Variants in VPS37A observed in about 807,000 individuals in gnomAD.
The protein encoded by VPS37A is VPS37A subunit of ESCRT-I, also known as vacuolar protein sorting-associated protein 37A.
In VPS37A, 30 loss-of-function variants were observed where a neutral mutation model predicts 49.8. The observed-to-expected ratio is 0.60, with a 90% CI of 0.45 to 0.82. The LOEUF is 0.82. Among genes scored for constraint, VPS37A ranks in the 40% least tolerant of loss-of-function variants. The probability of loss-of-function intolerance (pLI) is 0.00; values close to 1 mark genes in which losing one functional copy is unlikely to be tolerated. For synonymous variants in VPS37A, 195 were observed against 160.6 expected (o/e 1.21, Z -1.62); for missense variants, 593 against 464.4 (o/e 1.28, Z -2.55).
the VPS37A span, among the ~76,000 whole-genome samples, chr8:17,310,989 G>A: frequency 8.5e-5 from 13 of 152,080 alleles, no homozygotes; most frequent in South Asian, 6.2e-4. Flanking sequence ...GGATATACTC[G>A]TCATTTCAGC....
At chr8:17,254,034 A>G (rs1301476964) in intron 1 of VPS37A, among the ~76,000 whole-genome samples, 1 of 152,170 alleles carries the variant, frequency 6.6e-6, no homozygotes, top group African/African-American at 2.4e-5. Flanking sequence ...GATATTACAT[A>G]AATTTATAGT....
chr8:17,269,994 G>C (rs1029393229), intron 4 of VPS37A, among the ~76,000 whole-genome samples: 2 of 152,178 alleles, frequency 1.3e-5, no homozygotes, highest in Non-Finnish European at 2.9e-5. Flanking sequence ...ACTCCCGGTA[G>C]AAGGTAAAGC....
chr8:17,269,038 G>T (rs888733128), intron 4 of VPS37A, 82 bp downstream of exon 4: 26 of 1,004,326 alleles, frequency 2.6e-5, no homozygotes, highest in Non-Finnish European at 3.4e-5. Context: ...TTCAAATGAT[G>T]TTAAAAATCA....
chr8:17,313,360 C>T, the VPS37A span: 1 of 1,612,578 alleles, frequency 6.2e-7, no homozygotes, highest in Non-Finnish European at 8.5e-7. Context: ...TTCTCCAGAC[C>T]CCACAGGAAA....
chr8:17,302,805 C>A (rs1371669675), downstream of VPS37A, among the ~76,000 whole-genome samples: 1 of 149,390 alleles, frequency 6.7e-6, no homozygotes, highest in Admixed American at 6.7e-5. Flanking sequence ...CTCCACCTCC[C>A]GGGTTCAAGC....
chr8:17,252,438 A>G (rs538981598), intron 1 of VPS37A, among the ~76,000 whole-genome samples: 3 of 152,304 alleles, frequency 2.0e-5, no homozygotes, highest in South Asian at 4.1e-4. Flanking sequence ...TTGGCCTCCC[A>G]AAGTGCTAGG....
chr8:17,294,560 G>A (rs1431944599), intron 11 of VPS37A, among the ~76,000 whole-genome samples: 2 of 152,146 alleles, frequency 1.3e-5, no homozygotes, highest in Non-Finnish European at 2.9e-5. Flanking sequence ...GTTGAAACCC[G>A]GGCCCCTGGT....
At chr8:17,303,310 A>G (rs1042326481), downstream of VPS37A, among the ~76,000 whole-genome samples, 1 of 152,192 alleles carries the variant, frequency 6.6e-6, no homozygotes, top group Non-Finnish European at 1.5e-5. Flanking sequence ...GTATGATAGA[A>G]TATTCTGCTA....
chr8:17,308,050 A>C, the VPS37A span, among the ~76,000 whole-genome samples: 1 of 118,686 alleles, frequency 8.4e-6, no homozygotes, highest in African/African-American at 4.2e-5. Flanking sequence ...ATAAAATTAA[A>C]AAATAAAAAT....
chr8:17,275,634 C>T (rs1814446341), intron 5 of VPS37A, among the ~76,000 whole-genome samples: 1 of 152,122 alleles, frequency 6.6e-6, no homozygotes, highest in African/African-American at 2.4e-5. Context: ...CTTGTATATT[C>T]TTAAGCTGGT....
the VPS37A span, among the ~76,000 whole-genome samples, chr8:17,324,720 G>C: frequency 6.6e-6 from 1 of 152,226 alleles, no homozygotes; most frequent in South Asian, 2.1e-4. Context: ...TTTCCATGTA[G>C]AGCGACCTAT....
At chr8:17,268,795 A>T (rs1585985686) in intron 3 of VPS37A, 61 bp from the exon 4 acceptor site, 2 of 1,132,054 alleles carry the variant, frequency 1.8e-6, no homozygotes, top group East Asian at 4.7e-5. Context: ...ACATTATCCT[A>T]ATGAGACTTT....
chr8:17,257,584 A>G (rs1263348900), intron 1 of VPS37A, among the ~76,000 whole-genome samples: 1 of 152,180 alleles, frequency 6.6e-6, no homozygotes, highest in African/African-American at 2.4e-5. Context: ...GTGTATACCT[A>G]TGTAACAAAA....
chr8:17,268,156 A>T, intron 2 of VPS37A, 102 bp from the exon 3 acceptor site: 3 of 783,068 alleles, frequency 3.8e-6, no homozygotes, highest in Non-Finnish European at 6.1e-6. Context: ...TCAAAGTGTG[A>T]AAATTTAATT....
At chr8:17,330,406 A>G in the VPS37A span, among the ~76,000 whole-genome samples, 1 of 152,178 alleles carries the variant, frequency 6.6e-6, no homozygotes, top group Non-Finnish European at 1.5e-5. Context: ...GTCTTTTCCC[A>G]GTTCGCAGAG....
At chr8:17,248,781 T>C (rs996597253) in intron 1 of VPS37A, among the ~76,000 whole-genome samples, 6 of 152,228 alleles carry the variant, frequency 3.9e-5, no homozygotes, top group African/African-American at 1.4e-4. Context: ...TCAATTGTTC[T>C]GTTTGTTCAG....
chr8:17,332,712 A>C, the VPS37A span, among the ~76,000 whole-genome samples: 5 of 152,252 alleles, frequency 3.3e-5, no homozygotes, highest in African/African-American at 1.2e-4. Flanking sequence ...CGAACCATTA[A>C]GTCAGAGACC....
intron 5 of VPS37A, among the ~76,000 whole-genome samples, chr8:17,275,920 A>G (rs1814468311): frequency 6.6e-6 from 1 of 152,182 alleles, no homozygotes; most frequent in Admixed American, 6.5e-5. Context: ...GAACAAAATT[A>G]CAAGAGGACT....
intron 1 of VPS37A, among the ~76,000 whole-genome samples, chr8:17,257,530 A>G (rs1414962423): frequency 6.6e-6 from 1 of 152,162 alleles, no homozygotes; most frequent in Admixed American, 6.6e-5. Flanking sequence ...AGAAATACCT[A>G]ATGTAGGTGA....
Sources: gnomAD v4.1 joint callset for allele counts (sites outside exome capture counted in the v4.1 genomes callset) on GRCh38, gnomAD v4.1.1 for gene constraint, MANE v1.5 for transcripts, NCBI Gene and HGNC (gene_info 2026-07-23, HGNC 2026-07-21) for gene names.